The following CELA3B variants were observed in gnomAD, a reference collection of about 807,000 sequenced individuals.
CELA3B encodes the protein chymotrypsin-like elastase family member 3B.
Under a neutral mutation model 37.2 loss-of-function variants are expected in CELA3B, and 34 were observed. That is an observed-to-expected ratio of 0.91 (90% CI 0.70 to 1.22). The LOEUF is 1.22. Ranked by LOEUF, CELA3B falls within the 50% of genes most tolerant of loss-of-function variation. The pLI is 0.00. For missense variants in CELA3B, 340 were observed against 363.1 expected (o/e 0.94, Z 0.52); for synonymous variants, 127 against 143.5 (o/e 0.89, Z 0.82).
chr1:21,981,874 C>G (rs535041601), intron 4 of CELA3B, among the ~76,000 whole-genome samples: 1 of 151,994 alleles, frequency 6.6e-6, no homozygotes, highest in Non-Finnish European at 1.5e-5. Flanking sequence ...TACAGGCGCC[C>G]GCCACCACGC....
At chr1:21,996,573 A>T (rs189472816) in intron 4 of CELA3B, among the ~76,000 whole-genome samples, 5 of 151,280 alleles carry the variant, frequency 3.3e-5, no homozygotes, top group Non-Finnish European at 1.5e-5. Context: ...ACCATTCTTT[A>T]TACCTTTACT....
At chr1:21,986,713 T>C in intron 7 of CELA3B, 30 bp downstream of exon 7, 1 of 1,597,322 alleles carries the variant, frequency 6.3e-7, no homozygotes, top group Non-Finnish European at 8.5e-7. Context: ...CCGGAGGGCT[T>C]TAGGGTGGTG....
intron 7 of CELA3B, 54 bp downstream of exon 7, chr1:21,986,737 G>A (rs1321643990): frequency 1.9e-6 from 3 of 1,568,930 alleles, no homozygotes; most frequent in Middle Eastern, 1.8e-4. Flanking sequence ...CTTCTGAGAG[G>A]TGACAGGTGA....
downstream of CELA3B, among the ~76,000 whole-genome samples, chr1:21,993,340 T>C (rs1330083789): frequency 2.0e-5 from 3 of 150,440 alleles, no homozygotes; most frequent in East Asian, 5.9e-4. Context: ...CGCGTGCCTG[T>C]AATCCCAGCT....
chr1:21,979,272 A>G (rs1358442037), intron 2 of CELA3B, among the ~76,000 whole-genome samples: 1 of 151,034 alleles, frequency 6.6e-6, no homozygotes, highest in East Asian at 2.0e-4. Context: ...GGGTTTCACT[A>G]TGTTGGCCAG....
rs4655004 is a variant in CELA3B at position 21,978,605 on chromosome 1, G to T, written c.129+151G>T. The T allele has an allele frequency of 6.5e-6, 6 of 917,710 alleles. No homozygotes were observed. In the Admixed American group the frequency reaches 7.0e-5, roughly 11 times the overall value. 56.8% of individuals were successfully genotyped at this position (917,710 alleles called of 1,614,324 possible). On this transcript the variant is annotated intron_variant, in intron 2 of 7. Transcript: ENST00000337107. ...GCAGCCCTTGGACCATCTACTTCAC[G>T]GGGAGGTTTTGCCCATTCCGTCTGT...
At chr1:21,980,056 T>A (rs1481735356) in intron 2 of CELA3B, among the ~76,000 whole-genome samples, 1 of 60,188 alleles carries the variant, frequency 1.7e-5, no homozygotes, top group Non-Finnish European at 4.4e-5. Context: ...TGTCCACAGT[T>A]TGCTAACCCT....
At chr1:21,985,883 A>G (rs1190827877) in intron 6 of CELA3B, among the ~76,000 whole-genome samples, 1 of 148,330 alleles carries the variant, frequency 6.7e-6, no homozygotes, top group Non-Finnish European at 1.5e-5. Flanking sequence ...AGAGCGAGAC[A>G]CTGACTCAGA....
intron 4 of CELA3B, 86 bp downstream of exon 4, chr1:21,981,258 C>CT: frequency 9.4e-6 from 8 of 852,202 alleles, no homozygotes; most frequent in Non-Finnish European, 1.4e-5. Flanking sequence ...GGTTCCAACT[C>CT]TGAGTTGGGA....
At chr1:21,980,306 T>A (rs1226647944) in intron 2 of CELA3B, among the ~76,000 whole-genome samples, 1 of 150,264 alleles carries the variant, frequency 6.7e-6, no homozygotes, top group East Asian at 2.0e-4. Flanking sequence ...ATGGTGAAAC[T>A]CCGTGTCTAC....
chr1:21,985,405 G>A (rs536910899), intron 6 of CELA3B, among the ~76,000 whole-genome samples: 48 of 151,764 alleles, frequency 3.2e-4, no homozygotes, highest in African/African-American at 1.1e-3. Context: ...AGCCTCCCAA[G>A]CAGCCAAGAG....
At chr1:21,988,990 CAT>C (rs60573423) in intron 7 of CELA3B, among the ~76,000 whole-genome samples, 3 of 151,898 alleles carry the variant, frequency 2.0e-5, no homozygotes, top group Non-Finnish European at 2.9e-5. Flanking sequence ...CACACACACA[CAT>C]ATATATGTAT....
At chr1:21,978,222 C>G in intron 1 of CELA3B, 147 bp from the exon 2 acceptor site, 2 of 666,440 alleles carry the variant, frequency 3.0e-6, no homozygotes, top group South Asian at 1.8e-5. Flanking sequence ...GTTCACTATT[C>G]ATATGTGGTT....
downstream of CELA3B, among the ~76,000 whole-genome samples, chr1:21,992,633 A>G (rs970094950): frequency 3.8e-4 from 58 of 151,622 alleles, 1 homozygote; most frequent in African/African-American, 1.3e-3. Context: ...AGTTGTTTTA[A>G]TATTATTGAT....
intron 4 of CELA3B, among the ~76,000 whole-genome samples, chr1:21,997,429 C>T (rs1461979171): frequency 2.7e-5 from 4 of 148,108 alleles, no homozygotes; most frequent in African/African-American, 1.0e-4. Context: ...TGGCTCACGA[C>T]TGTAATCCCA....
chr1:21,978,187 T>C (rs1282339240), intron 1 of CELA3B, among the ~76,000 whole-genome samples, 182 bp from the exon 2 acceptor site: 1 of 148,408 alleles, frequency 6.7e-6, no homozygotes, highest in Non-Finnish European at 1.5e-5. Context: ...CTTGGGATTC[T>C]GGAAAGCCCT....
chr1:21,984,195 G>A lies in CELA3B; in HGVS notation c.506G>A (p.Gly169Glu), dbSNP rs756821467. 1.2e-6 allele frequency: 2 copies of A among 1,613,432 alleles called. No individual in the cohort carries two copies. Among genetic ancestry groups the A allele is most frequent in the Middle Eastern group, 1.7e-4 (1 of 6,058 alleles). ...GTGCTTTTTATCGCTGCAGCCAACG[G>A]GCCACTCCCAGACAAGCTGCAGGAG... is the stretch of plus-strand genomic sequence containing the variant. ...ITGWGRLYTNGPLPDKLQEAL... is the reference protein window; with the variant it reads ...ITGWGRLYTNEPLPDKLQEAL... The change falls in exon 6 of 8, where the codon GGG becomes GAG. Residue 169 changes from glycine (G) to glutamate (E), a missense_variant. Transcript: ENST00000337107.
chr1:21,996,829 C>A lies in CELA3B; in HGVS notation c.505-1322C>A, dbSNP rs1046850586. On this transcript the variant is annotated intron_variant, in intron 4 of 4. Transcript: ENST00000400277. ...GAGATACCTGCATACTGTCCTAGCC[C>A]TGGGTTCCCATGGTGGCTTCTTTGT... Among the ~76,000 whole-genome samples, 12 of 151,098 alleles carry A rather than the reference C, an allele frequency of 7.9e-5. 1 individual carries two copies. Among genetic ancestry groups the A allele is most frequent in the Non-Finnish European group, 1.5e-4 (10 of 67,894 alleles).
chr1:21,991,335 G>A (rs371690780), downstream of CELA3B, among the ~76,000 whole-genome samples: 83 of 141,206 alleles, frequency 5.9e-4, 2 homozygotes, highest in Non-Finnish European at 9.5e-4. Flanking sequence ...ACCATGCCTG[G>A]CTTATTTTTT....
Sources: allele counts gnomAD v4.1 joint callset (sites outside exome capture counted in the v4.1 genomes callset), GRCh38; gene constraint gnomAD v4.1.1; transcripts MANE v1.5; gene names NCBI Gene and HGNC (gene_info 2026-07-23, HGNC 2026-07-21).